Variants in ADGRV1 observed in about 807,000 individuals in gnomAD.
ADGRV1 encodes the protein G-protein coupled receptor 98.
ADGRV1 carries 359 observed loss-of-function variants against 596.2 expected under a neutral mutation model. That is an observed-to-expected ratio of 0.60 (90% CI 0.55 to 0.66). The LOEUF (loss-of-function observed/expected upper bound fraction) is 0.66, where lower values mean the gene tolerates loss of function less well. Among genes scored for constraint, ADGRV1 ranks in the 30% least tolerant of loss-of-function variants. ADGRV1 has a pLI of 0.00. For synonymous variants in ADGRV1, 2,681 were observed against 2,679.2 expected (o/e 1.00, Z -0.02); for missense variants, 7,274 against 7,575.6 (o/e 0.96, Z 1.48).
chr5:90,728,992 A>G, intron 49 of ADGRV1, 59 bp downstream of exon 49: 2 of 1,188,002 alleles, frequency 1.7e-6, no homozygotes, highest in African/African-American at 1.6e-5. Context: ...TAGCATTCAT[A>G]TGGTATATTT....
At chr5:91,055,261 T>C (rs1307067626) in intron 85 of ADGRV1, among the ~76,000 whole-genome samples, 1 of 151,814 alleles carries the variant, frequency 6.6e-6, no homozygotes, top group Non-Finnish European at 1.5e-5. Context: ...TATATATATA[T>C]ATATATATTA....
intron 85 of ADGRV1, among the ~76,000 whole-genome samples, chr5:90,991,599 T>C (rs1384397820): frequency 6.6e-6 from 1 of 152,120 alleles, no homozygotes; most frequent in Non-Finnish European, 1.5e-5. Context: ...GTATTTCAGT[T>C]TTTTAGTATT....
intron 85 of ADGRV1, among the ~76,000 whole-genome samples, chr5:90,986,003 T>C (rs1044306486): frequency 1.2e-4 from 18 of 151,860 alleles, no homozygotes; most frequent in Middle Eastern, 3.4e-3. Flanking sequence ...CAAGATCACC[T>C]TGGTCTTAGA....
At chr5:91,001,268 A>G (rs1044491632) in intron 85 of ADGRV1, among the ~76,000 whole-genome samples, 1 of 152,004 alleles carries the variant, frequency 6.6e-6, no homozygotes, top group Non-Finnish European at 1.5e-5. Flanking sequence ...TGTGGAGACC[A>G]GGTCTCACTA....
chr5:90,975,695 G>T (rs1210208334), intron 84 of ADGRV1, among the ~76,000 whole-genome samples: 1 of 152,106 alleles, frequency 6.6e-6, no homozygotes, highest in Non-Finnish European at 1.5e-5. Context: ...ACACACCGGG[G>T]CCTGTCCTGG....
intron 29 of ADGRV1, among the ~76,000 whole-genome samples, chr5:90,688,657 G>C (rs1288502838): frequency 1.3e-5 from 2 of 152,158 alleles, no homozygotes; most frequent in Non-Finnish European, 2.9e-5. Flanking sequence ...CACTGAGCTT[G>C]TAGACTTTGC....
At chr5:91,047,322 G>T (rs1461896609) in intron 85 of ADGRV1, among the ~76,000 whole-genome samples, 1 of 152,170 alleles carries the variant, frequency 6.6e-6, no homozygotes, top group African/African-American at 2.4e-5. Context: ...GAGGATAGAT[G>T]TGTGTATAAA....
intron 87 of ADGRV1, among the ~76,000 whole-genome samples, chr5:91,136,239 C>G (rs1391389066): frequency 1.3e-5 from 2 of 152,162 alleles, no homozygotes; most frequent in African/African-American, 4.8e-5. Flanking sequence ...CCATTGCCCC[C>G]TACCATTTTC....
intron 59 of ADGRV1, 67 bp from the exon 60 acceptor site, chr5:90,774,119 A>C (rs1757968455): frequency 1.3e-6 from 1 of 750,240 alleles, no homozygotes; most frequent in African/African-American, 1.7e-5. Context: ...TTATTCTGCT[A>C]ATGACAACAT....
At chr5:90,755,234 T>A (rs764457357) in intron 55 of ADGRV1, 49 bp downstream of exon 55, 1 of 1,238,384 alleles carries the variant, frequency 8.1e-7, no homozygotes, top group South Asian at 1.5e-5. Flanking sequence ...GAAAATTCTC[T>A]TAAGTAAAAT....
intron 84 of ADGRV1, among the ~76,000 whole-genome samples, chr5:90,978,950 TAATC>T (rs992498160): frequency 1.4e-4 from 22 of 152,272 alleles, no homozygotes; most frequent in African/African-American, 5.1e-4. Flanking sequence ...AAAGAAAAAT[TAATC>T]CATAGTTCAC....
rs1240581035 is a variant in ADGRV1, at chr5:91,034,057, T to G, written c.18153-38390T>G. The stretch of plus-strand genomic sequence containing the variant: ...AAGCATGCAGAAATTCCTAACCAAC[T>G]ACAGTTTTGTGATAACCCGATTTTT... On this transcript the variant is annotated intron_variant, in intron 85 of 89. Transcript: ENST00000405460. Among the ~76,000 whole-genome samples, 5 of 152,196 alleles carry G rather than the reference T, an allele frequency of 3.3e-5. No homozygotes were observed. The East Asian group carries it at 9.6e-4, about 29-fold the overall frequency.
chr5:90,666,288 G>T (rs137938703), intron 21 of ADGRV1, among the ~76,000 whole-genome samples: 1 of 152,150 alleles, frequency 6.6e-6, no homozygotes, highest in African/African-American at 2.4e-5. Context: ...CTTTTTGAAT[G>T]TGGGTGCTCC....
Position 90,643,976 on chromosome 5 carries a change from C to T in ADGRV1, c.2727C>T (p.Ile909=). ...TAAATGAAAGCAAAGGAGATGCTAT[C>T]TATAGTGGTAATTTATTCTGTGTCT... is the stretch of plus-strand genomic sequence containing the variant. ...VMINESKGDA[I]YSAVYDVVRN... Residue 909 remains isoleucine (I), a synonymous_variant, in exon 14 of 90, where the codon ATC becomes ATT. Transcript: ENST00000405460. 1 of 1,580,956 alleles carries T rather than the reference C, an allele frequency of 6.3e-7. No individual in the cohort carries two copies. Among genetic ancestry groups the T allele is most frequent in the Non-Finnish European group, 8.6e-7 (1 of 1,157,642 alleles).
intron 69 of ADGRV1, among the ~76,000 whole-genome samples, chr5:90,790,098 A>G (rs944339877): frequency 2.0e-5 from 3 of 152,222 alleles, no homozygotes; most frequent in Non-Finnish European, 2.9e-5. Context: ...ACTTAATCAT[A>G]AAGAACCAAA....
chr5:91,137,407 T>G (rs1357568161), intron 87 of ADGRV1, among the ~76,000 whole-genome samples: 1 of 152,214 alleles, frequency 6.6e-6, no homozygotes. Context: ...AGGACTTAAC[T>G]GTGTTCATAT....
At chr5:90,930,597 T>A (rs968331855) in intron 83 of ADGRV1, among the ~76,000 whole-genome samples, 12 of 152,016 alleles carry the variant, frequency 7.9e-5, no homozygotes, top group Non-Finnish European at 1.0e-4. Flanking sequence ...CAAATATTAG[T>A]GTTAGCCAAA....
intron 1 of ADGRV1, among the ~76,000 whole-genome samples, chr5:90,584,619 T>C (rs1220014267): frequency 6.6e-6 from 1 of 152,208 alleles, no homozygotes; most frequent in Non-Finnish European, 1.5e-5. Flanking sequence ...AAATTGATGC[T>C]GGCTGTTAGT....
At chr5:91,009,447 T>A (rs1397483428) in intron 85 of ADGRV1, among the ~76,000 whole-genome samples, 1 of 152,152 alleles carries the variant, frequency 6.6e-6, no homozygotes, top group African/African-American at 2.4e-5. Context: ...AATAACAGAA[T>A]GACTTACTGT....
Sources: gnomAD v4.1 joint callset for allele counts (sites outside exome capture counted in the v4.1 genomes callset) on GRCh38, gnomAD v4.1.1 for gene constraint, MANE v1.5 for transcripts, NCBI Gene and HGNC (gene_info 2026-07-23, HGNC 2026-07-21) for gene names.